PCDH9: variants seen among roughly 807,000 people sequenced by gnomAD.
PCDH9 encodes the protein protocadherin-9.
In PCDH9, 24 loss-of-function variants were observed where a neutral mutation model predicts 70.6. The ratio of observed to expected loss-of-function variants is 0.34; its 90% CI spans 0.25 to 0.48. The LOEUF (loss-of-function observed/expected upper bound fraction) is 0.48, where lower values mean the gene tolerates loss of function less well. Among genes scored for constraint, PCDH9 ranks in the 20% least tolerant of loss-of-function variants. PCDH9 has a pLI of 0.99. For missense variants in PCDH9, 1,281 were observed against 1,503.6 expected, an observed-to-expected ratio of 0.85 and a Z score of 2.45; for synonymous variants, 562 against 558.5, an observed-to-expected ratio of 1.01 and a Z score of -0.09.
Position 67,103,794 on chromosome 13 carries a change from T to G in PCDH9, c.3036+121611A>C, listed in dbSNP as rs372346331. On this transcript the variant is annotated intron_variant, in intron 2 of 4. Coordinates refer to ENST00000377865, the MANE Select transcript of PCDH9 (RefSeq NM_203487.3). ...CTTGAATGCTTGACTAGGGAATTCC[T>G]ACATCATTGACTAGGCAGTGGGGAA... is the stretch of plus-strand genomic sequence containing the variant. Among the ~76,000 whole-genome samples the G allele has an allele frequency of 7.3e-5, 11 of 151,344 alleles. No homozygotes were observed. The East Asian group carries it at 1.9e-3, about 27-fold the overall frequency.
intron 2 of PCDH9, among the ~76,000 whole-genome samples, chr13:67,182,672 T>C (rs556514179): frequency 6.6e-6 from 1 of 152,220 alleles, no homozygotes; most frequent in South Asian, 2.1e-4. Flanking sequence ...GTTGAAAAAT[T>C]TACACTGACA....
chr13:66,499,874 C>A (rs1443450327), intron 4 of PCDH9, among the ~76,000 whole-genome samples: 2 of 152,130 alleles, frequency 1.3e-5, no homozygotes, highest in African/African-American at 4.8e-5. Context: ...CTGGTTGTTT[C>A]AGAGAGCCTG....
At chr13:66,870,396 T>C (rs1300449163) in intron 3 of PCDH9, among the ~76,000 whole-genome samples, 4 of 152,070 alleles carry the variant, frequency 2.6e-5, no homozygotes, top group Non-Finnish European at 5.9e-5. Flanking sequence ...TGGGATCTAA[T>C]TAAACTAAAG....
intron 4 of PCDH9, among the ~76,000 whole-genome samples, chr13:66,582,706 C>T (rs188087956): frequency 6.6e-6 from 1 of 152,044 alleles, no homozygotes; most frequent in Admixed American, 6.6e-5. Flanking sequence ...TTCAAGAGAG[C>T]CTTGTTCTTT....
At chr13:66,780,099 C>T (rs924521321) in intron 3 of PCDH9, among the ~76,000 whole-genome samples, 1 of 151,690 alleles carries the variant, frequency 6.6e-6, no homozygotes, top group Non-Finnish European at 1.5e-5. Context: ...TATGTTTTAG[C>T]TGCTCTAGGC....
intron 3 of PCDH9, among the ~76,000 whole-genome samples, chr13:66,835,958 T>C (rs2081011156): frequency 1.3e-5 from 2 of 152,270 alleles, no homozygotes; most frequent in Admixed American, 1.3e-4. Context: ...AAGCATATCA[T>C]TTTAAAATAT....
chr13:66,892,922 G>A (rs1375327317), intron 3 of PCDH9, among the ~76,000 whole-genome samples: 1 of 151,994 alleles, frequency 6.6e-6, no homozygotes, highest in Non-Finnish European at 1.5e-5. Context: ...TTTGCATGTT[G>A]TTTAAAAATG....
intron 3 of PCDH9, among the ~76,000 whole-genome samples, chr13:66,694,632 A>G (rs1055268994): frequency 1.3e-5 from 2 of 152,140 alleles, no homozygotes; most frequent in Non-Finnish European, 2.9e-5. Flanking sequence ...AATAGTCAAA[A>G]GGAATATGTA....
chr13:67,216,332 C>T (rs865996519), intron 2 of PCDH9: 1 of 151,834 alleles, frequency 6.6e-6, no homozygotes, highest in South Asian at 2.1e-4. Context: ...TTATGTCATA[C>T]TAAAATATCC....
intron 4 of PCDH9, among the ~76,000 whole-genome samples, chr13:66,474,925 T>A (rs575517479): frequency 6.6e-6 from 1 of 152,088 alleles, no homozygotes; most frequent in African/African-American, 2.4e-5. Context: ...TGAATTTCAA[T>A]GTTATCCCAA....
At chr13:66,587,363 C>T (rs1344237367) in intron 4 of PCDH9, among the ~76,000 whole-genome samples, 1 of 151,796 alleles carries the variant, frequency 6.6e-6, no homozygotes, top group Admixed American at 6.6e-5. Context: ...TTGACACAAA[C>T]ATACAAACAA....
At chr13:66,633,921 C>T (rs1405028661) in intron 3 of PCDH9, among the ~76,000 whole-genome samples, 2 of 151,456 alleles carry the variant, frequency 1.3e-5, no homozygotes, top group Non-Finnish European at 2.9e-5. Context: ...GTCCTTGTAA[C>T]AATTTTTTAT....
chr13:66,950,218 G>C (rs1020636405), intron 2 of PCDH9, among the ~76,000 whole-genome samples: 2 of 152,116 alleles, frequency 1.3e-5, no homozygotes, highest in Non-Finnish European at 2.9e-5. Flanking sequence ...AAATTCCTCA[G>C]AAGTTAGTGC....
intron 3 of PCDH9, among the ~76,000 whole-genome samples, chr13:66,826,778 C>T (rs1210966689): frequency 3.3e-5 from 5 of 152,014 alleles, no homozygotes; most frequent in Non-Finnish European, 7.4e-5. Context: ...TGGCTTTGAG[C>T]AGAGACTTAA....
At chr13:67,019,427 C>T (rs1027250551) in intron 2 of PCDH9, among the ~76,000 whole-genome samples, 2 of 151,956 alleles carry the variant, frequency 1.3e-5, no homozygotes, top group East Asian at 1.9e-4. Context: ...GATCTCCTGA[C>T]CTCATGATCC....
At chr13:66,483,634 A>G (rs1958881791) in intron 4 of PCDH9, among the ~76,000 whole-genome samples, 1 of 152,212 alleles carries the variant, frequency 6.6e-6, no homozygotes, top group South Asian at 2.1e-4. Context: ...AAATGGCAGC[A>G]CGGTGTTATT....
intron 4 of PCDH9, among the ~76,000 whole-genome samples, chr13:66,450,096 T>TG (rs1209390516): frequency 4.6e-5 from 7 of 152,188 alleles, no homozygotes; most frequent in African/African-American, 1.4e-4. Context: ...AAAGAAACAG[T>TG]GAAAAAACAC....
chr13:66,582,013 A>G (rs146528806), intron 4 of PCDH9, among the ~76,000 whole-genome samples: 52 of 152,264 alleles, frequency 3.4e-4, no homozygotes, highest in African/African-American at 1.2e-3. Context: ...TGGAAAGCCA[A>G]TGAGAATCCC....
rs143341071 is a variant in PCDH9 at position 66,416,118 on chromosome 13, G to A, written c.3341-111090C>T. ...GTTTTTGTAGATTTTGCCATTTTGC[G>A]GGGATGGGTAGAGGAGAAGGGAATA... On this transcript the variant is annotated intron_variant, in intron 4 of 4. Coordinates refer to ENST00000377865, the MANE Select transcript of PCDH9 (RefSeq NM_203487.3). Among the ~76,000 whole-genome samples, 57 of 152,168 alleles carry A rather than the reference G, an allele frequency of 3.7e-4. 1 individual carries two copies. Among genetic ancestry groups the A allele is most frequent in the Middle Eastern group, 3.4e-3 (1 of 292 alleles).
Sources: allele counts gnomAD v4.1 joint callset (sites outside exome capture counted in the v4.1 genomes callset), GRCh38; gene constraint gnomAD v4.1.1; transcripts MANE v1.5; gene names NCBI Gene and HGNC (gene_info 2026-07-23, HGNC 2026-07-21).